HNMT: variants seen among roughly 807,000 people sequenced by gnomAD.
The protein encoded by HNMT is histamine N-methyltransferase.
HNMT carries 30 observed loss-of-function variants against 32.1 expected under a neutral mutation model. The observed-to-expected ratio is 0.93, with a 90% CI of 0.70 to 1.27. The LOEUF is 1.27. HNMT is among the 50% of genes most tolerant of loss of function. HNMT has a pLI of 0.00. For synonymous variants in HNMT, 125 were observed against 119.0 expected (o/e 1.05, Z -0.33); for missense variants, 327 against 346.0 (o/e 0.95, Z 0.43).
chr2:137,982,848 G>A (rs548859337), intron 2 of HNMT, among the ~76,000 whole-genome samples: 1 of 152,246 alleles, frequency 6.6e-6, no homozygotes, highest in African/African-American at 2.4e-5. Context: ...TGTTATGAAG[G>A]CTTATTATTT....
chr2:138,015,163 G>A lies in HNMT; in HGVS notation c.*1033G>A, dbSNP rs993898006. ...GTCATCTTTGGACTGTAGGATTTCA[G>A]GGGGGTTTTGAAAACAAATTTGATG... On this transcript the variant is annotated 3_prime_UTR_variant, in exon 6 of 6. Coordinates refer to ENST00000280097, the MANE Select transcript of HNMT (RefSeq NM_006895.3). 6.6e-6 allele frequency: 1 copy of A among 152,006 alleles called. No homozygotes were observed. Among genetic ancestry groups the A allele is most frequent in the African/African-American group, 2.4e-5 (1 of 41,424 alleles). The allele number at this position is 152,006 out of a possible 1,614,324, so 9.4% of individuals were successfully genotyped here.
chr2:137,996,500 C>A (rs1332184562), intron 2 of HNMT, among the ~76,000 whole-genome samples: 1 of 152,066 alleles, frequency 6.6e-6, no homozygotes, highest in Admixed American at 6.6e-5. Flanking sequence ...ATCTACAAAG[C>A]ATTTTTCAAG....
At chr2:137,986,126 T>C (rs1284477698) in intron 2 of HNMT, among the ~76,000 whole-genome samples, 1 of 151,942 alleles carries the variant, frequency 6.6e-6, no homozygotes, top group Non-Finnish European at 1.5e-5. Context: ...TGAGTTGTTT[T>C]ATATATGTTG....
intron 5 of HNMT, among the ~76,000 whole-genome samples, chr2:138,012,280 G>C (rs1017118736): frequency 2.0e-5 from 3 of 152,072 alleles, no homozygotes; most frequent in African/African-American, 7.2e-5. Context: ...AGTTCTGAGA[G>C]GCTAGATAAC....
chr2:138,010,462 CACACACACACACACACACACAG>C (rs1681467262), intron 5 of HNMT, among the ~76,000 whole-genome samples: 1 of 145,284 alleles, frequency 6.9e-6, no homozygotes, highest in African/African-American at 2.5e-5. Context: ...CACACACACA[CACACACACACACACACACACAG>C]CAAATGGAAG....
intron 2 of HNMT, among the ~76,000 whole-genome samples, chr2:137,979,043 T>A (rs909179140): frequency 7.0e-6 from 1 of 143,548 alleles, no homozygotes; most frequent in Admixed American, 7.1e-5. Context: ...CATACTATAA[T>A]AGTAAATTGT....
Position 138,013,671 on chromosome 2 carries a change from C to A in HNMT, c.524-104C>A, listed in dbSNP as rs867649784. 7 of 797,218 alleles carry A rather than the reference C, an allele frequency of 8.8e-6. No homozygotes were observed. The Middle Eastern group carries it at 1.4e-3, about 158-fold the overall frequency. 49.4% of individuals were successfully genotyped at this position (797,218 alleles called of 1,614,324 possible). A position where few individuals can be genotyped will look rare whatever the true frequency, so the allele number is the denominator to read the frequency against. On this transcript the variant is annotated intron_variant, in intron 5 of 5. Transcript: ENST00000280097. ...CTTGAAATATGAGCTGCACAAAGGA[C>A]AAGATTATTATTTTGTTCTATTCTA...
Position 138,014,345 on chromosome 2 carries a change from A to G in HNMT, c.*215A>G, listed in dbSNP as rs1361718297. 6.9e-6 allele frequency: 3 copies of G among 434,412 alleles called. No individual in the cohort carries two copies. Among genetic ancestry groups the G allele is most frequent in the African/African-American group, 5.9e-5 (3 of 50,582 alleles). The allele number at this position is 434,412 out of a possible 1,614,324, so 26.9% of individuals were successfully genotyped here. ...TGTCCCTCCTCCAGGTAGAGAGACC[A>G]CAAGCAGGCTCAACATAACATAAGC... On this transcript the variant is annotated 3_prime_UTR_variant, in exon 6 of 6. Coordinates refer to ENST00000280097, the MANE Select transcript of HNMT (RefSeq NM_006895.3).
chr2:137,991,828 A>G (rs1680825561), intron 2 of HNMT: 1 of 152,246 alleles, frequency 6.6e-6, no homozygotes, highest in South Asian at 2.1e-4. Flanking sequence ...CGGGGCCAAG[A>G]TGGCCGACTA....
intron 5 of HNMT, 145 bp from the exon 6 acceptor site, chr2:138,013,630 C>G (rs1159266992): frequency 8.3e-6 from 5 of 603,286 alleles, no homozygotes; most frequent in African/African-American, 1.8e-5. Flanking sequence ...TTATTTTTCT[C>G]TCTCCTCCTG....
chr2:138,007,324 A>T (rs989197394), intron 5 of HNMT, among the ~76,000 whole-genome samples: 23 of 152,146 alleles, frequency 1.5e-4, no homozygotes, highest in African/African-American at 5.1e-4. Flanking sequence ...GAAAATAAAT[A>T]AATTAAATAT....
chr2:137,970,706 G>A (rs1220876694), intron 2 of HNMT, among the ~76,000 whole-genome samples: 2 of 152,106 alleles, frequency 1.3e-5, no homozygotes, highest in East Asian at 3.9e-4. Context: ...GGATCACGAG[G>A]TCAGGAGATC....
At chr2:138,009,194 T>C (rs1337317246) in intron 5 of HNMT, among the ~76,000 whole-genome samples, 1 of 152,006 alleles carries the variant, frequency 6.6e-6, no homozygotes, top group African/African-American at 2.4e-5. Context: ...AAAACCACAA[T>C]GAGATACCAT....
intron 2 of HNMT, among the ~76,000 whole-genome samples, chr2:137,990,287 T>C: frequency 6.6e-6 from 1 of 152,330 alleles, no homozygotes; most frequent in East Asian, 1.9e-4. Context: ...TTGTCTAGAT[T>C]CATTTTTTTG....
chr2:137,993,586 C>T (rs1298866261), intron 2 of HNMT, among the ~76,000 whole-genome samples: 1 of 152,114 alleles, frequency 6.6e-6, no homozygotes, highest in Non-Finnish European at 1.5e-5. Context: ...AGAATGGAAA[C>T]AAGCTGGAAA....
intron 2 of HNMT, among the ~76,000 whole-genome samples, chr2:137,972,928 T>C (rs1355148423): frequency 6.6e-6 from 1 of 152,190 alleles, no homozygotes; most frequent in Non-Finnish European, 1.5e-5. Context: ...GCCTGCACAG[T>C]GAGTCCTTAC....
intron 2 of HNMT, among the ~76,000 whole-genome samples, chr2:137,986,664 G>T (rs1335139303): frequency 2.0e-5 from 3 of 152,064 alleles, no homozygotes; most frequent in Admixed American, 2.0e-4. Context: ...AACCATCACA[G>T]AAAGGTTTTC....
intron 5 of HNMT, among the ~76,000 whole-genome samples, chr2:138,010,754 TAAA>T (rs1681478501): frequency 1.3e-5 from 2 of 151,932 alleles, no homozygotes; most frequent in Non-Finnish European, 2.9e-5. Flanking sequence ...GATTTGGGGA[TAAA>T]AAAGAAGAGA....
At chr2:137,971,201 G>A (rs1329554148) in intron 2 of HNMT, among the ~76,000 whole-genome samples, 3 of 149,834 alleles carry the variant, frequency 2.0e-5, no homozygotes, top group African/African-American at 7.4e-5. Flanking sequence ...TTTTTTTGAC[G>A]GATTCTCACT....
Sources: allele counts gnomAD v4.1 joint callset (sites outside exome capture counted in the v4.1 genomes callset), GRCh38; gene constraint gnomAD v4.1.1; transcripts MANE v1.5; gene names NCBI Gene and HGNC (gene_info 2026-07-23, HGNC 2026-07-21).